Variants in ATP6V1H observed in about 807,000 individuals in gnomAD.
ATP6V1H encodes ATPase H+ transporting V1 subunit H.
In ATP6V1H, 39 loss-of-function variants were observed where a neutral mutation model predicts 71.7. The ratio of observed to expected loss-of-function variants is 0.54; its 90% CI spans 0.42 to 0.71. ATP6V1H has a LOEUF of 0.71. Among genes scored for constraint, ATP6V1H ranks in the 30% least tolerant of loss-of-function variants. ATP6V1H has a pLI of 0.00. For missense variants in ATP6V1H, 509 were observed against 594.9 expected (o/e 0.86, Z 1.50); for synonymous variants, 192 against 199.3 (o/e 0.96, Z 0.31).
intron 4 of ATP6V1H, among the ~76,000 whole-genome samples, chr8:53,824,966 T>C (rs1810782054): frequency 6.6e-6 from 1 of 151,998 alleles, no homozygotes; most frequent in Non-Finnish European, 1.5e-5. Context: ...TCATATACAT[T>C]AACAAACAAA....
chr8:53,823,438 T>C (rs1403578687), intron 4 of ATP6V1H, among the ~76,000 whole-genome samples: 1 of 152,078 alleles, frequency 6.6e-6, no homozygotes, highest in East Asian at 1.9e-4. Context: ...GGATATACTT[T>C]AAGCAGTAAT....
rs919231813 is a variant in ATP6V1H, at chr8:53,801,683, T to C, written c.677+116A>G. 4.1e-5 allele frequency: 35 copies of C among 860,356 alleles called. 1 individual carries two copies. In the African/African-American group the frequency reaches 5.1e-4, roughly 13 times the overall value. 53.3% of individuals were successfully genotyped at this position (860,356 alleles called of 1,614,324 possible). A position where few individuals can be genotyped will look rare whatever the true frequency, so the allele number is the denominator to read the frequency against. ...CTAAAAAGCTTAGCATAGTCAATTG[T>C]TAAACAGATATGAAAAAAATAAAAT... is the stretch of plus-strand genomic sequence containing the variant. On this transcript the variant is annotated intron_variant, in intron 8 of 13. Coordinates refer to ENST00000359530, the MANE Select transcript of ATP6V1H (RefSeq NM_015941.4).
intron 9 of ATP6V1H, among the ~76,000 whole-genome samples, chr8:53,793,986 C>T (rs553151174): frequency 3.9e-5 from 6 of 152,230 alleles, no homozygotes; most frequent in African/African-American, 1.4e-4. Context: ...CTCGGCAGTT[C>T]CATCTCCAGA....
At chr8:53,841,755 A>G in intron 1 of ATP6V1H, 30 bp from the exon 2 acceptor site, 3 of 1,572,428 alleles carry the variant, frequency 1.9e-6, no homozygotes, top group Non-Finnish European at 2.6e-6. Context: ...TAAAAACAGA[A>G]TACGAGGTGT....
intron 13 of ATP6V1H, among the ~76,000 whole-genome samples, chr8:53,717,427 G>A (rs1038689124): frequency 2.6e-5 from 4 of 152,198 alleles, no homozygotes; most frequent in Non-Finnish European, 5.9e-5. Flanking sequence ...AGCATCCCAG[G>A]ACATGAAAAT....
At chr8:53,817,292 C>T in intron 5 of ATP6V1H, 125 bp downstream of exon 5, 1 of 537,470 alleles carries the variant, frequency 1.9e-6, no homozygotes, top group Admixed American at 3.6e-5. Context: ...AATCCCAGCA[C>T]TTTGGGAGGC....
At chr8:53,762,452 C>T (rs1251519619) in intron 11 of ATP6V1H, among the ~76,000 whole-genome samples, 7 of 152,034 alleles carry the variant, frequency 4.6e-5, no homozygotes, top group Non-Finnish European at 7.4e-5. Context: ...TCGAAATACC[C>T]GTCAAACCAT....
Position 53,730,270 on chromosome 8 carries a change from C to T in ATP6V1H, c.1391+13307G>A, listed in dbSNP as rs558992977. The stretch of plus-strand genomic sequence containing the variant: ...TGTCTCCTTATATTTAAGCTAACTT[C>T]GGTAGGTATTTGTTTCTTGTAAACA... On this transcript the variant is annotated intron_variant, in intron 13 of 13. Coordinates refer to ENST00000359530, the MANE Select transcript of ATP6V1H (RefSeq NM_015941.4). 1.9e-3 allele frequency among the ~76,000 whole-genome samples: 282 copies of T among 152,252 alleles called. 4 individuals are homozygous for T. Among genetic ancestry groups the T allele is most frequent in the East Asian group, 2.3e-3 (12 of 5,168 alleles).
At chr8:53,738,283 C>T (rs1050994773) in intron 13 of ATP6V1H, among the ~76,000 whole-genome samples, 7 of 138,908 alleles carry the variant, frequency 5.0e-5, no homozygotes, top group Admixed American at 2.2e-4. Context: ...GGTGACAGTG[C>T]GAGACTCTGC....
Position 53,772,181 on chromosome 8 carries a change from A to C in ATP6V1H, c.871-14T>G, listed in dbSNP as rs758143997. 4 of 1,589,608 alleles carry C rather than the reference A, an allele frequency of 2.5e-6. No individual in the cohort carries two copies. In the South Asian group the frequency reaches 4.5e-5, roughly 18 times the overall value. On this transcript the variant is annotated splice_polypyrimidine_tract_variant and intron_variant, in intron 9 of 13. Coordinates refer to ENST00000359530, the MANE Select transcript of ATP6V1H (RefSeq NM_015941.4). ...TTCTAAAAAGTTCTGGGTTAGACAAAGTGATAGTGAGAAACTATACAATTT... is the reference window on the plus strand; with the variant it reads ...TTCTAAAAAGTTCTGGGTTAGACAACGTGATAGTGAGAAACTATACAATTT...
At chr8:53,762,801 A>G (rs1287451402) in intron 11 of ATP6V1H, among the ~76,000 whole-genome samples, 1 of 152,180 alleles carries the variant, frequency 6.6e-6, no homozygotes, top group Non-Finnish European at 1.5e-5. Context: ...TGAACAGCAC[A>G]AATCTGAACT....
chr8:53,809,035 T>A (rs1810186759), intron 7 of ATP6V1H, among the ~76,000 whole-genome samples: 1 of 152,172 alleles, frequency 6.6e-6, no homozygotes, highest in Non-Finnish European at 1.5e-5. Flanking sequence ...CCTTAAAAAG[T>A]CTGAGTAAGC....
At chr8:53,798,104 A>G (rs1438720476) in intron 8 of ATP6V1H, among the ~76,000 whole-genome samples, 5 of 152,194 alleles carry the variant, frequency 3.3e-5, no homozygotes, top group African/African-American at 1.2e-4. Context: ...GCACAATATA[A>G]TGTAAATTTT....
chr8:53,825,740 G>T (rs1258126793), intron 4 of ATP6V1H, among the ~76,000 whole-genome samples: 1 of 152,034 alleles, frequency 6.6e-6, no homozygotes. Context: ...TTACACTATA[G>T]ACAAGAACCA....
At chr8:53,716,880 A>G (rs1199955424) in intron 13 of ATP6V1H, among the ~76,000 whole-genome samples, 2 of 152,230 alleles carry the variant, frequency 1.3e-5, no homozygotes, top group Admixed American at 6.5e-5. Context: ...AGGAAGAAGA[A>G]AAAGAGGCTT....
intron 10 of ATP6V1H, among the ~76,000 whole-genome samples, chr8:53,771,091 T>C (rs1471513992): frequency 6.6e-6 from 1 of 152,234 alleles, no homozygotes; most frequent in East Asian, 1.9e-4. Flanking sequence ...TGAAGGCATT[T>C]GCAGGGCAGA....
At chr8:53,812,261 C>T (rs1265400372) in intron 6 of ATP6V1H, among the ~76,000 whole-genome samples, 1 of 152,040 alleles carries the variant, frequency 6.6e-6, no homozygotes, top group South Asian at 2.1e-4. Flanking sequence ...CAGAAGGACC[C>T]GCAAAGCAGA....
In ATP6V1H at chr8:53,823,077, G is replaced by A. The variant is rs536345224; in HGVS notation, c.307-5547C>T. Among the ~76,000 whole-genome samples, 18 of 151,874 alleles carry A rather than the reference G, an allele frequency of 1.2e-4. 1 individual carries two copies. The highest frequency in any genetic ancestry group is 2.7e-4 in the African/African-American group (11 of 41,452). ...CTCTTAGTACAAAAAAAACCAGACC[G>A]AGAAAAAAGTAGACAAAAAGTAAAG... is the stretch of plus-strand genomic sequence containing the variant. On this transcript the variant is annotated intron_variant, in intron 4 of 13. Coordinates refer to ENST00000359530, the MANE Select transcript of ATP6V1H (RefSeq NM_015941.4).
At chr8:53,803,853 A>G (rs1347133047) in intron 7 of ATP6V1H, among the ~76,000 whole-genome samples, 1 of 152,172 alleles carries the variant, frequency 6.6e-6, no homozygotes, top group African/African-American at 2.4e-5. Context: ...CTGCTTAGAG[A>G]GATAACCAAG....
Sources: gnomAD v4.1 joint callset for allele counts (sites outside exome capture counted in the v4.1 genomes callset) on GRCh38, gnomAD v4.1.1 for gene constraint, MANE v1.5 for transcripts, NCBI Gene and HGNC (gene_info 2026-07-23, HGNC 2026-07-21) for gene names.